SLC1A1: variants seen among roughly 807,000 people sequenced by gnomAD.
SLC1A1 encodes excitatory amino acid transporter 3.
In SLC1A1, 43 loss-of-function variants were observed where a neutral mutation model predicts 53.3. The observed-to-expected ratio is 0.81, with a 90% CI of 0.63 to 1.04. The LOEUF (loss-of-function observed/expected upper bound fraction) is 1.04, where lower values mean the gene tolerates loss of function less well. Among genes scored for constraint, SLC1A1 ranks in the 50% least tolerant of loss-of-function variants. SLC1A1 has a pLI of 0.00. For synonymous variants in SLC1A1, 307 were observed against 243.2 expected, an observed-to-expected ratio of 1.26 and a Z score of -2.44; for missense variants, 748 against 664.9, an observed-to-expected ratio of 1.12 and a Z score of -1.37.
chr9:4,529,870 T>G (rs1816402411), intron 1 of SLC1A1, among the ~76,000 whole-genome samples: 1 of 152,188 alleles, frequency 6.6e-6, no homozygotes, highest in South Asian at 2.1e-4. Flanking sequence ...TAGTGTCCTT[T>G]TGCTCATGGC....
At chr9:4,570,776 G>A (rs1190587604) in intron 6 of SLC1A1, among the ~76,000 whole-genome samples, 1 of 152,000 alleles carries the variant, frequency 6.6e-6, no homozygotes, top group African/African-American at 2.4e-5. Context: ...AGGCATGGTG[G>A]CATGCCCCCG....
rs748961792 is a variant in SLC1A1, at chr9:4,564,364, A to G, written c.346A>G (p.Ile116Val). 1 of 1,613,458 alleles carries G rather than the reference A, an allele frequency of 6.2e-7. No homozygotes were observed. Among genetic ancestry groups the G allele is most frequent in the African/African-American group, 1.3e-5 (1 of 74,900 alleles). The change falls in exon 4 of 12, where the codon ATC (isoleucine) becomes GTC (valine). Residue 116 changes from isoleucine (I) to valine (V), a missense_variant. Ile to Val is a conservative substitution (Grantham distance 29). Coordinates refer to ENST00000262352, the MANE Select transcript of SLC1A1 (RefSeq NM_004170.6). ...VILGIVLVVS[I>V]KPGVTQKVGE... ...CACAGGTATTGTGCTGGTGGTGAGC[A>G]TCAAGCCTGGTGTCACCCAGAAAGT...
chr9:4,551,393 A>G (rs1387014967), intron 2 of SLC1A1, among the ~76,000 whole-genome samples: 1 of 152,178 alleles, frequency 6.6e-6, no homozygotes, highest in Non-Finnish European at 1.5e-5. Flanking sequence ...AAAACCAGGT[A>G]TAAGAGGGTG....
chr9:4,517,589 T>C (rs757601524), intron 1 of SLC1A1, among the ~76,000 whole-genome samples: 1 of 152,220 alleles, frequency 6.6e-6, no homozygotes, highest in Non-Finnish European at 1.5e-5. Flanking sequence ...TCTTCTGTTA[T>C]TGTGTACCAG....
chr9:4,515,489 C>A (rs1821131814), intron 1 of SLC1A1, among the ~76,000 whole-genome samples: 1 of 152,098 alleles, frequency 6.6e-6, no homozygotes, highest in East Asian at 1.9e-4. Flanking sequence ...GAGTTTGTCA[C>A]TGGGGAAACA....
At chr9:4,565,638 G>A (rs1309076148) in intron 4 of SLC1A1, among the ~76,000 whole-genome samples, 1 of 152,116 alleles carries the variant, frequency 6.6e-6, no homozygotes, top group Non-Finnish European at 1.5e-5. Flanking sequence ...CCTCCCACAA[G>A]GCCCCTCCCC....
rs1821584169 is a variant in SLC1A1, at chr9:4,586,490, C to T, written c.*932C>T. On this transcript the variant is annotated 3_prime_UTR_variant, in exon 12 of 12. Coordinates refer to ENST00000262352, the MANE Select transcript of SLC1A1 (RefSeq NM_004170.6). ...AGGTGGCATAGCCATTCATTTACAA[C>T]TTCCAGATTTGAGCTGCCTGGAGGG... 6.6e-6 allele frequency: 1 copy of T among 152,156 alleles called. No individual in the cohort carries two copies. The highest frequency in any genetic ancestry group is 2.4e-5 in the African/African-American group (1 of 41,444). 9.4% of individuals were successfully genotyped at this position (152,156 alleles called of 1,614,324 possible). A position where few individuals can be genotyped will look rare whatever the true frequency, so the allele number is the denominator to read the frequency against.
At position 4,556,305 on chromosome 9, in the gene SLC1A1, C is replaced by G. The variant is rs1007747264; in HGVS notation, c.233-5144C>G. ...AAAGTGCTGGGATTACCGGCGTGAGCCACTACGCCCCGCCCCTATCTTTTA... is the reference window on the plus strand; with the variant it reads ...AAAGTGCTGGGATTACCGGCGTGAGGCACTACGCCCCGCCCCTATCTTTTA... On this transcript the variant is annotated intron_variant, in intron 2 of 11. Transcript: ENST00000262352. This position sits in a 1 kb window ranked among gnomAD's most constrained non-coding sequence, Gnocchi z 4.1. Among the ~76,000 whole-genome samples the G allele has an allele frequency of 6.6e-6, 1 of 152,200 alleles. No individual in the cohort carries two copies. Among genetic ancestry groups the G allele is most frequent in the African/African-American group, 2.4e-5 (1 of 41,450 alleles).
chr9:4,516,980 G>C (rs768860799), intron 1 of SLC1A1, among the ~76,000 whole-genome samples: 9 of 152,160 alleles, frequency 5.9e-5, no homozygotes, highest in Middle Eastern at 3.2e-3. Flanking sequence ...CAGAACTTTG[G>C]TGTCCAACAG....
rs1821638478 is a variant in SLC1A1 at position 4,587,340 on chromosome 9, G to C, written c.*1782G>C. Reference sequence around the variant, plus strand: ...CCCCAATTAGTGGCACTAGTTGGCAGAGCTGTTCATGAGCTGCCAGTTATC... The same window carrying C: ...CCCCAATTAGTGGCACTAGTTGGCACAGCTGTTCATGAGCTGCCAGTTATC... On this transcript the variant is annotated 3_prime_UTR_variant, in exon 12 of 12. Coordinates refer to ENST00000262352, the MANE Select transcript of SLC1A1 (RefSeq NM_004170.6). 6.6e-6 allele frequency: 1 copy of C among 152,200 alleles called. No individual in the cohort carries two copies. Among genetic ancestry groups the C allele is most frequent in the Non-Finnish European group, 1.5e-5 (1 of 68,032 alleles). 9.4% of individuals were successfully genotyped at this position (152,200 alleles called of 1,614,324 possible). A position where few individuals can be genotyped will look rare whatever the true frequency, so the allele number is the denominator to read the frequency against.
intron 10 of SLC1A1, among the ~76,000 whole-genome samples, chr9:4,579,512 G>A (rs1174920501): frequency 6.6e-6 from 1 of 152,148 alleles, no homozygotes; most frequent in Non-Finnish European, 1.5e-5. Flanking sequence ...CACTGCCAGA[G>A]GAATGAACTC....
In SLC1A1 at chr9:4,512,431, C is replaced by G. The variant is rs547640606; in HGVS notation, c.91+21661C>G. Among the ~76,000 whole-genome samples the G allele has an allele frequency of 3.3e-5, 5 of 152,082 alleles. No individual in the cohort carries two copies. The East Asian group carries it at 9.7e-4, about 29-fold the overall frequency. Reference sequence around the variant, plus strand: ...GCTGAGGTGGGAGGATTGCTTGAGCCCGGGAGATTGAAGCTGCAGCGAGCC... The same window carrying G: ...GCTGAGGTGGGAGGATTGCTTGAGCGCGGGAGATTGAAGCTGCAGCGAGCC... On this transcript the variant is annotated intron_variant, in intron 1 of 11. Coordinates refer to ENST00000262352, the MANE Select transcript of SLC1A1 (RefSeq NM_004170.6).
chr9:4,539,025 A>G (rs1222124931), intron 1 of SLC1A1, among the ~76,000 whole-genome samples: 1 of 152,234 alleles, frequency 6.6e-6, no homozygotes, highest in Non-Finnish European at 1.5e-5. Flanking sequence ...AATTAAAAAT[A>G]CTTTTTCCTT....
intron 1 of SLC1A1, among the ~76,000 whole-genome samples, chr9:4,502,437 TGAGA>T (rs1194932596): frequency 6.9e-6 from 1 of 144,244 alleles, no homozygotes; most frequent in Middle Eastern, 3.3e-3. Context: ...TATGAGACAT[TGAGA>T]GAGAAAGTGA....
intron 3 of SLC1A1, among the ~76,000 whole-genome samples, chr9:4,563,134 AAGAG>A (rs1330715637): frequency 1.5e-5 from 2 of 134,760 alleles, no homozygotes; most frequent in Non-Finnish European, 3.3e-5. Flanking sequence ...AAGAAAAAAA[AAGAG>A]AGAGAGAGAA....
intron 1 of SLC1A1, among the ~76,000 whole-genome samples, chr9:4,521,064 A>G (rs1469672888): frequency 7.2e-5 from 11 of 152,154 alleles, no homozygotes; most frequent in Admixed American, 7.2e-4. Context: ...GTCCATTTGT[A>G]TATCTTCATT....
rs112375267 is a variant in SLC1A1, at chr9:4,555,567, A to G, written c.233-5882A>G. On this transcript the variant is annotated intron_variant, in intron 2 of 11. Transcript: ENST00000262352. ...TTCTCCTGAGGTGAAAAAAGCAAAT[A>G]AATGCCTTTACCTAAAATAAAGAGC... 2.9e-3 allele frequency among the ~76,000 whole-genome samples: 447 copies of G among 152,350 alleles called. 1 individual carries two copies. The highest frequency in any genetic ancestry group is 9.5e-3 in the African/African-American group (397 of 41,580).
intron 1 of SLC1A1, among the ~76,000 whole-genome samples, chr9:4,503,137 T>C (rs944575090): frequency 4.0e-5 from 6 of 151,776 alleles, no homozygotes; most frequent in Non-Finnish European, 7.3e-5. Flanking sequence ...TATGCATAAA[T>C]TATCACCATT....
rs138133312 is a variant in SLC1A1, at chr9:4,512,783, G to C, written c.91+22013G>C. ...GGTCTTTTTTATTTTTTTTTAAATT[G>C]AGACAGGGTCTCACTCTGTCTCCCA... On this transcript the variant is annotated intron_variant, in intron 1 of 11. Coordinates refer to ENST00000262352, the MANE Select transcript of SLC1A1 (RefSeq NM_004170.6). 5.6e-3 allele frequency among the ~76,000 whole-genome samples: 848 copies of C among 151,236 alleles called. 12 individuals carry two copies. Among genetic ancestry groups the C allele is most frequent in the African/African-American group, 0.019 (799 of 41,204 alleles).
Sources: gnomAD v4.1 joint callset for allele counts (sites outside exome capture counted in the v4.1 genomes callset) on GRCh38, gnomAD v4.1.1 for gene constraint, Gnocchi (gnomAD v3.1) non-coding constraint, MANE v1.5 for transcripts, NCBI Gene and HGNC (gene_info 2026-07-23, HGNC 2026-07-21) for gene names.